Variants in SFXN5 observed in about 807,000 individuals in gnomAD.
SFXN5 encodes sideroflexin 5, also known as sideroflexin-5.
In SFXN5, 43 loss-of-function variants were observed where a neutral mutation model predicts 50.2. That is an observed-to-expected ratio of 0.86 (90% confidence interval 0.67 to 1.11). The LOEUF (loss-of-function observed/expected upper bound fraction) is 1.11, where lower values mean the gene tolerates loss of function less well. SFXN5 is among the 50% of genes least tolerant of loss of function. The probability of loss-of-function intolerance (pLI) is 0.00; values close to 1 mark genes in which losing one functional copy is unlikely to be tolerated. For synonymous variants in SFXN5, 203 were observed against 185.8 expected, an observed-to-expected ratio of 1.09 and a Z score of -0.75; for missense variants, 463 against 454.1, an observed-to-expected ratio of 1.02 and a Z score of -0.18.
chr2:73,064,855 T>C (rs952679072), intron 1 of SFXN5, among the ~76,000 whole-genome samples: 1 of 152,174 alleles, frequency 6.6e-6, no homozygotes, highest in Non-Finnish European at 1.5e-5. Context: ...GGCACGATCA[T>C]AGCTCACTAC....
At chr2:73,008,154 T>C (rs184158302) in intron 6 of SFXN5, among the ~76,000 whole-genome samples, 4 of 152,282 alleles carry the variant, frequency 2.6e-5, no homozygotes, top group Non-Finnish European at 5.9e-5. Flanking sequence ...TCTAAGCCCA[T>C]GTGATCACCT....
chr2:72,989,079 G>A (rs182077384), intron 9 of SFXN5, among the ~76,000 whole-genome samples: 1 of 152,236 alleles, frequency 6.6e-6, no homozygotes, highest in East Asian at 1.9e-4. Context: ...TATGACCAAC[G>A]TGTCTGAGAA....
chr2:73,049,061 T>C lies in SFXN5; in HGVS notation c.172-8130A>G, dbSNP rs528566795. ...TCCCCATTCACATTTTTAGTATTAC[T>C]ATGTTATCTTACACTAACTGTGCTG... On this transcript the variant is annotated intron_variant, in intron 2 of 13. Coordinates refer to ENST00000272433, the MANE Select transcript of SFXN5 (RefSeq NM_144579.3). The C allele has an allele frequency of 9.2e-5, 14 of 152,360 alleles. No individual in the cohort carries two copies. In the East Asian group the frequency reaches 2.7e-3, roughly 29 times the overall value. The allele number at this position is 152,360 out of a possible 1,614,324, so 9.4% of individuals were successfully genotyped here.
At chr2:73,027,872 G>C (rs966148744) in intron 3 of SFXN5, among the ~76,000 whole-genome samples, 1 of 151,890 alleles carries the variant, frequency 6.6e-6, no homozygotes, top group African/African-American at 2.4e-5. Context: ...ATGTTGCCCA[G>C]GCTGGTCTCC....
rs947897206 is a variant in SFXN5, at chr2:72,944,272, G to C, written c.*750C>G. ...GAGCTGGGGTCACTTCAGGGGCCCT[G>C]AATCAGTTAGAGCTCCACGAAGGGG... is the stretch of plus-strand genomic sequence containing the variant. On this transcript the variant is annotated 3_prime_UTR_variant, in exon 14 of 14. Transcript: ENST00000272433. The C allele has an allele frequency of 1.3e-5, 2 of 152,216 alleles. No individual in the cohort carries two copies. The highest frequency in any genetic ancestry group is 2.9e-5 in the Non-Finnish European group (2 of 68,074). The allele number at this position is 152,216 out of a possible 1,614,324, so 9.4% of individuals were successfully genotyped here.
intron 10 of SFXN5, among the ~76,000 whole-genome samples, chr2:72,985,229 G>A (rs1196823686): frequency 6.6e-6 from 1 of 152,202 alleles, no homozygotes; most frequent in Non-Finnish European, 1.5e-5. Context: ...CACAGCCTGA[G>A]CCAGCTTCTT....
At chr2:72,969,664 G>A (rs991584409) in intron 11 of SFXN5, among the ~76,000 whole-genome samples, 4 of 151,758 alleles carry the variant, frequency 2.6e-5, no homozygotes, top group Admixed American at 2.6e-4. Flanking sequence ...CAAAATGCTG[G>A]GATTACAGGT....
In SFXN5 at chr2:73,023,611, G is replaced by A. The variant is rs137891810; in HGVS notation, c.250-397C>T. 1.2e-3 allele frequency among the ~76,000 whole-genome samples: 190 copies of A among 152,278 alleles called. 1 individual carries two copies. Among genetic ancestry groups the A allele is most frequent in the African/African-American group, 4.2e-3 (175 of 41,556 alleles). On this transcript the variant is annotated intron_variant, in intron 3 of 13. Coordinates refer to ENST00000272433, the MANE Select transcript of SFXN5 (RefSeq NM_144579.3). ...TTGTCTCCCAGAATCACTAGTGACA[G>A]CATAATATAATTTTTTCAGAGATAG...
chr2:73,027,254 T>C (rs973935629), intron 3 of SFXN5, among the ~76,000 whole-genome samples: 2 of 152,158 alleles, frequency 1.3e-5, no homozygotes, highest in African/African-American at 2.4e-5. Context: ...TAGAATGATA[T>C]GGGTGTTTGT....
intron 12 of SFXN5, among the ~76,000 whole-genome samples, chr2:72,963,183 G>C (rs927597980): frequency 6.6e-6 from 1 of 152,222 alleles, no homozygotes; most frequent in Non-Finnish European, 1.5e-5. Flanking sequence ...GCAGTGACTA[G>C]AGGGTGTGGA....
At chr2:72,999,947 G>A (rs983848978) in intron 8 of SFXN5, among the ~76,000 whole-genome samples, 1 of 152,056 alleles carries the variant, frequency 6.6e-6, no homozygotes, top group African/African-American at 2.4e-5. Flanking sequence ...AGGGGCTCTG[G>A]GGGGGAGTTA....
intron 3 of SFXN5, among the ~76,000 whole-genome samples, chr2:73,027,672 C>A (rs1194945876): frequency 6.7e-6 from 1 of 149,784 alleles, no homozygotes; most frequent in African/African-American, 2.5e-5. Context: ...TTTTTTTTTT[C>A]TTTTTTTAGA....
intron 10 of SFXN5, among the ~76,000 whole-genome samples, chr2:72,974,628 C>A (rs1475452282): frequency 6.6e-6 from 1 of 152,216 alleles, no homozygotes; most frequent in Non-Finnish European, 1.5e-5. Context: ...CATTGGTTGG[C>A]CTTTATTGAG....
chr2:72,996,884 G>C (rs1223232238), intron 9 of SFXN5: 1 of 152,186 alleles, frequency 6.6e-6, no homozygotes, highest in Non-Finnish European at 1.5e-5. Context: ...AAAAAGGAAG[G>C]GGATTTTTGA....
Position 72,992,648 on chromosome 2 carries a change from A to G in SFXN5, c.535-4300T>C, listed in dbSNP as rs1049525884. On this transcript the variant is annotated intron_variant, in intron 9 of 13. Transcript: ENST00000272433. The surrounding 1 kb of genome is among the most constrained non-coding windows in gnomAD (Gnocchi z 4.5). ...ACGTGTAACCATGGCTCCCTGGTGC[A>G]TCTCCCGGATGTCATGAATGCAGCT... Among the ~76,000 whole-genome samples, 5 of 152,118 alleles carry G rather than the reference A, an allele frequency of 3.3e-5. No homozygotes were observed. Among genetic ancestry groups the G allele is most frequent in the African/African-American group, 1.2e-4 (5 of 41,416 alleles).
chr2:73,022,634 G>C, intron 4 of SFXN5, 58 bp from the exon 5 acceptor site: 1 of 670,878 alleles, frequency 1.5e-6, no homozygotes, highest in Non-Finnish European at 2.7e-6. Flanking sequence ...AGGGGGAAGG[G>C]GGAAGGGGGA....
Position 72,971,688 on chromosome 2 carries a change from G to A in SFXN5, c.626-3C>T. 6.2e-7 allele frequency: 1 copy of A among 1,609,516 alleles called. No homozygotes were observed. Among genetic ancestry groups the A allele is most frequent in the Non-Finnish European group, 8.5e-7 (1 of 1,175,974 alleles). On this transcript the variant is annotated splice_region_variant and splice_polypyrimidine_tract_variant and intron_variant, in intron 10 of 13. Coordinates refer to ENST00000272433, the MANE Select transcript of SFXN5 (RefSeq NM_144579.3). Reference sequence around the variant, plus strand: ...CACATTGCAGATATTGGCACTGGCTGCAGAGAGAGGGGATGCAGAGAGCAG... The same window carrying A: ...CACATTGCAGATATTGGCACTGGCTACAGAGAGAGGGGATGCAGAGAGCAG...
rs1243328524 is a variant in SFXN5 at position 72,973,372 on chromosome 2, T to C, written c.626-1687A>G. ...GGCGGTTCTGTGGGGCATTTGGCCA[T>C]GTTTGAGGGCATTTTCAGTGATTGT... On this transcript the variant is annotated intron_variant, in intron 10 of 13. Coordinates refer to ENST00000272433, the MANE Select transcript of SFXN5 (RefSeq NM_144579.3). This position sits in a 1 kb window ranked among gnomAD's most constrained non-coding sequence, Gnocchi z 5.5. 5.9e-6 allele frequency: 1 copy of C among 169,068 alleles called. No homozygotes were observed. Among genetic ancestry groups the C allele is most frequent in the African/African-American group, 2.4e-5 (1 of 41,510 alleles). 10.5% of individuals were successfully genotyped at this position (169,068 alleles called of 1,614,324 possible).
intron 2 of SFXN5, among the ~76,000 whole-genome samples, chr2:73,050,101 G>GGCCCCCAAGGCCTTGGACAGCCCC (rs1681046170): frequency 6.6e-6 from 1 of 152,118 alleles, no homozygotes; most frequent in African/African-American, 2.4e-5. Flanking sequence ...GCAGGAGTTA[G>GGCCCCCAAGGCCTTGGACAGCCCC]GCCCCCAAGG....
Sources: gnomAD v4.1 joint callset for allele counts (sites outside exome capture counted in the v4.1 genomes callset) on GRCh38, gnomAD v4.1.1 for gene constraint, Gnocchi (gnomAD v3.1) non-coding constraint, MANE v1.5 for transcripts, NCBI Gene and HGNC (gene_info 2026-07-23, HGNC 2026-07-21) for gene names.